The following ANO3 variants were observed in gnomAD, a reference collection of about 807,000 sequenced individuals.
ANO3 encodes the protein anoctamin-3.
Under a neutral mutation model 144.8 loss-of-function variants are expected in ANO3, and 99 were observed. The observed-to-expected ratio is 0.68, with a 90% CI of 0.58 to 0.81. The LOEUF is 0.81. ANO3 is among the 30% of genes least tolerant of loss of function. The pLI is 0.00. For synonymous variants in ANO3, 414 were observed against 392.6 expected, an observed-to-expected ratio of 1.05 and a Z score of -0.64; for missense variants, 905 against 1,202.2, an observed-to-expected ratio of 0.75 and a Z score of 3.66.
chr11:26,250,253 A>G (rs995466241), intron 1 of ANO3, among the ~76,000 whole-genome samples: 1 of 152,108 alleles, frequency 6.6e-6, no homozygotes, highest in Non-Finnish European at 1.5e-5. Context: ...TGTGGCAGCT[A>G]TGGGTATTTT....
chr11:26,562,613 C>T (rs2134253448), intron 14 of ANO3, among the ~76,000 whole-genome samples: 1 of 151,930 alleles, frequency 6.6e-6, no homozygotes, highest in South Asian at 2.1e-4. Context: ...TACAATGTGA[C>T]TGTGTGTGCA....
At chr11:26,409,234 ATACT>A (rs1857372160) in intron 1 of ANO3, among the ~76,000 whole-genome samples, 1 of 151,766 alleles carries the variant, frequency 6.6e-6, no homozygotes, top group African/African-American at 2.4e-5. Flanking sequence ...TCTAGCAGGT[ATACT>A]TACACACTCC....
intron 14 of ANO3, among the ~76,000 whole-genome samples, chr11:26,585,900 G>C (rs180825130): frequency 6.6e-6 from 1 of 152,158 alleles, no homozygotes; most frequent in Non-Finnish European, 1.5e-5. Flanking sequence ...TGACTGTTAA[G>C]AGAATGGGTG....
At chr11:26,328,265 T>C (rs948529942), upstream of ANO3, among the ~76,000 whole-genome samples, 5 of 152,196 alleles carry the variant, frequency 3.3e-5, no homozygotes, top group African/African-American at 1.2e-4. Context: ...CCATAGGCTT[T>C]TAGGGAGAAA....
intron 14 of ANO3, chr11:26,561,004 A>G: frequency 6.7e-7 from 1 of 1,495,684 alleles, no homozygotes; most frequent in South Asian, 1.3e-5. Context: ...TGAAAGATGA[A>G]TTTGTCAAAA....
chr11:26,499,597 A>G (rs1401222547), intron 4 of ANO3, among the ~76,000 whole-genome samples: 1 of 151,698 alleles, frequency 6.6e-6, no homozygotes, highest in Non-Finnish European at 1.5e-5. Flanking sequence ...TATCAATCAT[A>G]TACATACTGG....
intron 1 of ANO3, among the ~76,000 whole-genome samples, chr11:26,247,287 T>C (rs767333440): frequency 6.6e-6 from 1 of 152,222 alleles, no homozygotes; most frequent in Admixed American, 6.5e-5. Flanking sequence ...TACAGTACTA[T>C]CTTTTTTTCC....
At chr11:26,484,703 C>A (rs2134094476) in intron 4 of ANO3, among the ~76,000 whole-genome samples, 1 of 152,288 alleles carries the variant, frequency 6.6e-6, no homozygotes, top group African/African-American at 2.4e-5. Context: ...CCACTGACAG[C>A]TTGCACCTTA....
chr11:26,347,905 AGG>A (rs1311855906), intron 1 of ANO3, among the ~76,000 whole-genome samples: 1 of 152,218 alleles, frequency 6.6e-6, no homozygotes, highest in Non-Finnish European at 1.5e-5. Flanking sequence ...GAGCAAGAAA[AGG>A]GTCCTGGCCC....
chr11:26,309,926 A>G (rs751872182), intron 1 of ANO3, among the ~76,000 whole-genome samples: 3 of 152,208 alleles, frequency 2.0e-5, no homozygotes, highest in Non-Finnish European at 4.4e-5. Context: ...CTAAGCTTCT[A>G]ATAAAAACGC....
At chr11:26,486,278 T>G (rs368384351) in intron 4 of ANO3, among the ~76,000 whole-genome samples, 6 of 148,614 alleles carry the variant, frequency 4.0e-5, no homozygotes, top group Admixed American at 2.1e-4. Flanking sequence ...GAAGACTCAC[T>G]TGAACCTGGG....
chr11:26,429,592 G>A lies in ANO3; in HGVS notation c.47-12326G>A, dbSNP rs180812026. On this transcript the variant is annotated intron_variant, in intron 1 of 26. Transcript: ENST00000256737. ...AAATGTAAATGGATTTAACCTACCT[G>A]TTAAAAGAATAAAACATTTAGATTG... Among the ~76,000 whole-genome samples the A allele has an allele frequency of 5.3e-5, 8 of 152,096 alleles. No individual in the cohort carries two copies. In the East Asian group the frequency reaches 1.5e-3, roughly 29 times the overall value.
At chr11:26,603,538 T>G (rs1005797545) in intron 17 of ANO3, among the ~76,000 whole-genome samples, 1 of 151,994 alleles carries the variant, frequency 6.6e-6, no homozygotes, top group Non-Finnish European at 1.5e-5. Context: ...TAAAAAAAAG[T>G]TATTCAAATT....
intron 1 of ANO3, among the ~76,000 whole-genome samples, chr11:26,202,167 T>C (rs1439547164): frequency 2.7e-5 from 4 of 148,602 alleles, no homozygotes; most frequent in Non-Finnish European, 6.0e-5. Flanking sequence ...ATACAAAATT[T>C]CTAACTGACC....
intron 1 of ANO3, among the ~76,000 whole-genome samples, chr11:26,261,103 T>C (rs529407940): frequency 6.6e-6 from 1 of 152,326 alleles, no homozygotes; most frequent in East Asian, 1.9e-4. Context: ...GATGAGAGAA[T>C]TTAACTTTTC....
intron 1 of ANO3, among the ~76,000 whole-genome samples, chr11:26,235,889 A>G (rs973213262): frequency 3.9e-5 from 6 of 152,100 alleles, no homozygotes; most frequent in Non-Finnish European, 8.8e-5. Flanking sequence ...CTCTCCCTCC[A>G]TTCTATAGTT....
intron 1 of ANO3, among the ~76,000 whole-genome samples, chr11:26,273,191 G>A (rs1195751371): frequency 6.6e-6 from 1 of 151,564 alleles, no homozygotes; most frequent in African/African-American, 2.4e-5. Context: ...CTTAAAATCA[G>A]GAAGTACCTT....
At chr11:26,279,499 C>T (rs971912542) in intron 1 of ANO3, among the ~76,000 whole-genome samples, 2 of 152,094 alleles carry the variant, frequency 1.3e-5, no homozygotes, top group Non-Finnish European at 2.9e-5. Flanking sequence ...AACAAAAAGA[C>T]AAACAACCCT....
chr11:26,583,086 T>C (rs1205892157), intron 14 of ANO3, among the ~76,000 whole-genome samples: 1 of 152,240 alleles, frequency 6.6e-6, no homozygotes, highest in Non-Finnish European at 1.5e-5. Flanking sequence ...CTATTTAATA[T>C]GCAAATGCCA....
Sources: allele counts gnomAD v4.1 joint callset (sites outside exome capture counted in the v4.1 genomes callset), GRCh38; gene constraint gnomAD v4.1.1; transcripts MANE v1.5; gene names NCBI Gene and HGNC (gene_info 2026-07-23, HGNC 2026-07-21).